The following ASCC1 variants were observed in gnomAD, a reference collection of about 807,000 sequenced individuals.
ASCC1 encodes activating signal cointegrator 1 complex subunit 1.
Under a neutral mutation model 46.6 loss-of-function variants are expected in ASCC1, and 35 were observed. That is an observed-to-expected ratio of 0.75 (90% CI 0.57 to 0.99). The LOEUF (loss-of-function observed/expected upper bound fraction) is 0.99. Among genes scored for constraint, ASCC1 ranks in the 50% least tolerant of loss-of-function variants. The pLI is 0.00. For synonymous variants in ASCC1, 143 were observed against 146.6 expected (o/e 0.98, Z 0.18); for missense variants, 376 against 428.7 (o/e 0.88, Z 1.09).
chr10:72,162,936 C>T (rs934106296), intron 5 of ASCC1, among the ~76,000 whole-genome samples: 3 of 123,664 alleles, frequency 2.4e-5, no homozygotes, highest in Non-Finnish European at 1.5e-5. Flanking sequence ...AAGTGAGACT[C>T]TGTCTCAAAA....
At chr10:72,197,906 A>T (rs932951076) in intron 4 of ASCC1, among the ~76,000 whole-genome samples, 1 of 139,940 alleles carries the variant, frequency 7.1e-6, no homozygotes, top group Non-Finnish European at 1.5e-5. Context: ...ACCCTGTCTC[A>T]AAATAAATAA....
intron 9 of ASCC1, among the ~76,000 whole-genome samples, chr10:72,099,889 T>TA (rs1005486770): frequency 2.6e-5 from 4 of 151,948 alleles, no homozygotes; most frequent in South Asian, 4.1e-4. Context: ...GAGCAGGGTT[T>TA]AAAAAAAATA....
intron 9 of ASCC1, among the ~76,000 whole-genome samples, chr10:72,124,521 G>A (rs1844608712): frequency 6.6e-6 from 1 of 152,160 alleles, no homozygotes; most frequent in African/African-American, 2.4e-5. Context: ...TCAATCTGCT[G>A]AGAGCACAAT....
At chr10:72,165,196 C>T (rs1850190716) in intron 5 of ASCC1, among the ~76,000 whole-genome samples, 1 of 152,086 alleles carries the variant, frequency 6.6e-6, no homozygotes, top group Non-Finnish European at 1.5e-5. Flanking sequence ...CTCACTGCAA[C>T]CTCCGCTTCC....
At chr10:72,165,671 G>C (rs997080843) in intron 5 of ASCC1, among the ~76,000 whole-genome samples, 4 of 152,184 alleles carry the variant, frequency 2.6e-5, no homozygotes, top group Non-Finnish European at 5.9e-5. Context: ...TTTTACATCT[G>C]ATGAAAAGTT....
At chr10:72,135,471 T>C (rs1048292552) in intron 7 of ASCC1, among the ~76,000 whole-genome samples, 2 of 152,190 alleles carry the variant, frequency 1.3e-5, no homozygotes, top group Admixed American at 1.3e-4. Context: ...TACGCATTTC[T>C]GAGACAGGCA....
At chr10:72,194,615 C>T (rs973609446) in intron 5 of ASCC1, among the ~76,000 whole-genome samples, 6 of 151,912 alleles carry the variant, frequency 3.9e-5, no homozygotes, top group Non-Finnish European at 8.8e-5. Context: ...GTATTCAGCA[C>T]TCATAACAAA....
chr10:72,198,331 GGGA>G (rs1564744728), intron 4 of ASCC1: 1 of 36,124 alleles, frequency 2.8e-5, no homozygotes, highest in Admixed American at 3.9e-4. Context: ...GGAGGGGGAG[GGGA>G]GGAGAGGGGA....
upstream of ASCC1, chr10:72,216,716 G>T: frequency 2.4e-6 from 1 of 419,578 alleles, no homozygotes; most frequent in South Asian, 1.7e-5. Flanking sequence ...CATCCCTGCC[G>T]TACATGAAGT....
chr10:72,146,439 G>T (rs1254777075), intron 7 of ASCC1, among the ~76,000 whole-genome samples: 1 of 152,208 alleles, frequency 6.6e-6, no homozygotes, highest in Non-Finnish European at 1.5e-5. Flanking sequence ...CAAGGAAATT[G>T]AGTTGAGTGC....
intron 4 of ASCC1, among the ~76,000 whole-genome samples, chr10:72,199,901 T>G (rs1856254060): frequency 6.6e-6 from 1 of 151,864 alleles, no homozygotes; most frequent in Non-Finnish European, 1.5e-5. Flanking sequence ...CCAGCCAATT[T>G]TTGTATTTTT....
chr10:72,150,928 T>C (rs532738076), intron 7 of ASCC1, among the ~76,000 whole-genome samples: 1,942 of 152,228 alleles, frequency 0.013, 26 homozygotes, highest in South Asian at 0.038. Context: ...ATGGTGATCA[T>C]TAAAAAGTCA....
chr10:72,128,289 T>G, intron 8 of ASCC1, 122 bp from the exon 9 acceptor site: 2 of 789,616 alleles, frequency 2.5e-6, no homozygotes, highest in Non-Finnish European at 4.4e-6. Context: ...AGTGGCATAA[T>G]GAAGAGGAAA....
intron 9 of ASCC1, among the ~76,000 whole-genome samples, chr10:72,112,051 C>A (rs1032772657): frequency 6.6e-6 from 1 of 152,182 alleles, no homozygotes; most frequent in Non-Finnish European, 1.5e-5. Flanking sequence ...TAACACTTAG[C>A]CATTGTTGAT....
At chr10:72,172,787 ATATTATATAT>A (rs1188642697) in intron 5 of ASCC1, among the ~76,000 whole-genome samples, 1 of 134,902 alleles carries the variant, frequency 7.4e-6, no homozygotes, top group Non-Finnish European at 1.6e-5. Flanking sequence ...TTTATATTAT[ATATTATATAT>A]TATATTTTTA....
At chr10:72,162,156 A>C (rs537219417) in intron 5 of ASCC1, among the ~76,000 whole-genome samples, 1 of 152,096 alleles carries the variant, frequency 6.6e-6, no homozygotes, top group East Asian at 1.9e-4. Flanking sequence ...AAGAAATCTA[A>C]TATTTTTATT....
chr10:72,212,659 C>A (rs772992038), intron 2 of ASCC1, among the ~76,000 whole-genome samples: 1 of 152,156 alleles, frequency 6.6e-6, no homozygotes, highest in South Asian at 2.1e-4. Flanking sequence ...ACTAGCCTGG[C>A]CAACATGGTG....
chr10:72,134,209 T>A (rs1845926210), intron 7 of ASCC1: 1 of 152,178 alleles, frequency 6.6e-6, no homozygotes, highest in Non-Finnish European at 1.5e-5. Flanking sequence ...AGAGGGAAGA[T>A]CACTTGAGGC....
At chr10:72,207,024 G>A (rs749875285) in intron 3 of ASCC1, among the ~76,000 whole-genome samples, 7 of 152,076 alleles carry the variant, frequency 4.6e-5, no homozygotes, top group Non-Finnish European at 1.0e-4. Flanking sequence ...ACAGGTGTGC[G>A]GCATGACATA....
Sources: allele counts gnomAD v4.1 joint callset (sites outside exome capture counted in the v4.1 genomes callset), GRCh38; gene constraint gnomAD v4.1.1; transcripts MANE v1.5; gene names NCBI Gene and HGNC (gene_info 2026-07-23, HGNC 2026-07-21).